Variants in LRBA observed in about 807,000 individuals in gnomAD.
LRBA encodes the protein lipopolysaccharide-responsive and beige-like anchor protein.
In LRBA, 176 loss-of-function variants were observed where a neutral mutation model predicts 330.0. The observed-to-expected ratio is 0.53, with a 90% CI of 0.47 to 0.60. The LOEUF is 0.60. LRBA is among the 20% of genes least tolerant of loss of function. The probability of loss-of-function intolerance (pLI) is 0.00; values close to 1 mark genes in which losing one functional copy is unlikely to be tolerated. For synonymous variants in LRBA, 1,230 were observed against 1,193.0 expected (o/e 1.03, Z -0.64); for missense variants, 3,259 against 3,444.8 (o/e 0.95, Z 1.35).
chr4:150,282,335 A>G, intron 55 of LRBA, 115 bp downstream of exon 55: 1 of 882,164 alleles, frequency 1.1e-6, no homozygotes. Flanking sequence ...TTGGTATGGA[A>G]AAGAGGCCCT....
chr4:150,548,234 G>A (rs961415590), intron 40 of LRBA, among the ~76,000 whole-genome samples: 6 of 151,936 alleles, frequency 3.9e-5, no homozygotes, highest in African/African-American at 1.5e-4. Flanking sequence ...TATCCTCTCT[G>A]TTTTCTTCAT....
chr4:150,886,653 C>T (rs1341228147), intron 17 of LRBA, among the ~76,000 whole-genome samples: 1 of 152,144 alleles, frequency 6.6e-6, no homozygotes, highest in African/African-American at 2.4e-5. Flanking sequence ...ACACTGGAAA[C>T]ATCATGCACA....
At chr4:150,814,397 C>T (rs1297412824) in intron 31 of LRBA, among the ~76,000 whole-genome samples, 1 of 151,880 alleles carries the variant, frequency 6.6e-6, no homozygotes, top group Non-Finnish European at 1.5e-5. Context: ...AGAAGCAGGA[C>T]AACCAAAAAC....
chr4:150,877,683 T>C (rs1484147386), intron 17 of LRBA, among the ~76,000 whole-genome samples: 1 of 152,170 alleles, frequency 6.6e-6, no homozygotes, highest in Non-Finnish European at 1.5e-5. Flanking sequence ...TAATTGGACC[T>C]AATAGACATC....
chr4:150,971,180 T>C (rs974610038), intron 2 of LRBA, among the ~76,000 whole-genome samples: 1 of 152,264 alleles, frequency 6.6e-6, no homozygotes, highest in African/African-American at 2.4e-5. Flanking sequence ...TTATGGTTGC[T>C]ACTACTTTTC....
chr4:150,274,446 A>T (rs1746503944), intron 56 of LRBA, among the ~76,000 whole-genome samples: 1 of 152,220 alleles, frequency 6.6e-6, no homozygotes, highest in South Asian at 2.1e-4. Context: ...GAAGACACTA[A>T]GATCAGAGGA....
chr4:150,409,216 T>A (rs1463523376), intron 47 of LRBA, among the ~76,000 whole-genome samples: 1 of 151,930 alleles, frequency 6.6e-6, no homozygotes, highest in Admixed American at 6.6e-5. Flanking sequence ...TATAAGCCAA[T>A]CAGAGGGCTA....
intron 14 of LRBA, among the ~76,000 whole-genome samples, chr4:150,898,564 G>A (rs1485724034): frequency 6.6e-6 from 1 of 151,834 alleles, no homozygotes; most frequent in Non-Finnish European, 1.5e-5. Context: ...GACCACCAAA[G>A]CATAGGACCA....
chr4:150,972,033 G>T (rs149660068), intron 2 of LRBA, among the ~76,000 whole-genome samples: 2,022 of 152,172 alleles, frequency 0.013, 20 homozygotes, highest in Non-Finnish European at 0.019. Context: ...TATATTTATA[G>T]ATTCTCTTAT....
At chr4:150,757,743 T>C (rs1734507880) in intron 35 of LRBA, among the ~76,000 whole-genome samples, 1 of 152,124 alleles carries the variant, frequency 6.6e-6, no homozygotes, top group Admixed American at 6.6e-5. Flanking sequence ...ACTAAAATTT[T>C]CCTTTAAAAT....
chr4:150,708,106 C>A (rs1379521658), intron 36 of LRBA, among the ~76,000 whole-genome samples: 1 of 151,750 alleles, frequency 6.6e-6, no homozygotes, highest in Non-Finnish European at 1.5e-5. Flanking sequence ...AGGCAAATCT[C>A]ACAAGTAACA....
chr4:150,604,448 A>G (rs1249830143), intron 37 of LRBA, among the ~76,000 whole-genome samples: 1 of 152,112 alleles, frequency 6.6e-6, no homozygotes, highest in African/African-American at 2.4e-5. Context: ...TTGAAACCCA[A>G]TTAGCCAGTT....
intron 36 of LRBA, among the ~76,000 whole-genome samples, chr4:150,706,602 A>G (rs1327631184): frequency 6.6e-6 from 1 of 151,534 alleles, no homozygotes; most frequent in Non-Finnish European, 1.5e-5. Flanking sequence ...CATTTAACAA[A>G]AAAAAAAAAT....
intron 40 of LRBA, among the ~76,000 whole-genome samples, chr4:150,576,052 C>T (rs1325076921): frequency 6.6e-6 from 1 of 151,340 alleles, no homozygotes; most frequent in Non-Finnish European, 1.5e-5. Context: ...GTTGGCTCTA[C>T]CAAATATACC....
intron 47 of LRBA, among the ~76,000 whole-genome samples, chr4:150,412,431 A>C (rs1368904102): frequency 6.6e-6 from 1 of 152,180 alleles, no homozygotes; most frequent in African/African-American, 2.4e-5. Context: ...CAATTACGTA[A>C]ACCACAATCT....
chr4:150,487,275 T>C (rs1370499965), intron 42 of LRBA, among the ~76,000 whole-genome samples: 1 of 150,832 alleles, frequency 6.6e-6, no homozygotes, highest in African/African-American at 2.4e-5. Context: ...TATATATATA[T>C]GTATCTTTGA....
chr4:150,340,957 A>G (rs1404709501), intron 48 of LRBA, among the ~76,000 whole-genome samples: 1 of 152,128 alleles, frequency 6.6e-6, no homozygotes, highest in Non-Finnish European at 1.5e-5. Flanking sequence ...GTGAAATAGG[A>G]AAGTTTAAGA....
chr4:150,583,548 G>T lies in LRBA; in HGVS notation c.6330+4500C>A. On this transcript the variant is annotated intron_variant, in intron 40 of 56. Coordinates refer to ENST00000651943, the MANE Select transcript of LRBA (RefSeq NM_001364905.1). The surrounding 1 kb of genome is among the most constrained non-coding windows in gnomAD (Gnocchi z 9.8). ...GCTATGTGGTGCAAATCACTCCGGCGTTCAAGTGCACCGGGATCTGGCCTC... is the reference window on the plus strand; with the variant it reads ...GCTATGTGGTGCAAATCACTCCGGCTTTCAAGTGCACCGGGATCTGGCCTC... The T allele has an allele frequency of 6.2e-7, 1 of 1,613,842 alleles. No homozygotes were observed. The highest frequency in any genetic ancestry group is 1.7e-5 in the Admixed American group (1 of 60,028).
At chr4:150,479,804 T>G (rs1354869143) in intron 42 of LRBA, among the ~76,000 whole-genome samples, 6 of 152,122 alleles carry the variant, frequency 3.9e-5, no homozygotes, top group Non-Finnish European at 8.8e-5. Context: ...CATGTAACAC[T>G]CCAGTAACAG....
Sources: gnomAD v4.1 joint callset for allele counts (sites outside exome capture counted in the v4.1 genomes callset) on GRCh38, gnomAD v4.1.1 for gene constraint, Gnocchi (gnomAD v3.1) non-coding constraint, MANE v1.5 for transcripts, NCBI Gene and HGNC (gene_info 2026-07-23, HGNC 2026-07-21) for gene names.